Variants in TGDS observed in about 807,000 individuals in gnomAD.
TGDS encodes TDP-glucose 4,6-dehydratase.
TGDS carries 47 observed loss-of-function variants against 52.3 expected under a neutral mutation model. The ratio of observed to expected loss-of-function variants is 0.90; its 90% confidence interval spans 0.71 to 1.15. The LOEUF (loss-of-function observed/expected upper bound fraction) is 1.15, where lower values mean the gene tolerates loss of function less well. TGDS is among the 50% of genes most tolerant of loss of function. TGDS has a pLI of 0.00. For synonymous variants in TGDS, 115 were observed against 136.9 expected, an observed-to-expected ratio of 0.84 and a Z score of 1.12; for missense variants, 375 against 418.4, an observed-to-expected ratio of 0.90 and a Z score of 0.90.
chr13:94,592,734 G>C (rs903579661), intron 2 of TGDS, among the ~76,000 whole-genome samples: 3 of 152,064 alleles, frequency 2.0e-5, no homozygotes, highest in Non-Finnish European at 2.9e-5. Context: ...GATTACAAGC[G>C]TGAGCCCAGC....
chr13:94,587,558 A>C (rs1035049347), intron 4 of TGDS, among the ~76,000 whole-genome samples: 1 of 152,260 alleles, frequency 6.6e-6, no homozygotes, highest in African/African-American at 2.4e-5. Flanking sequence ...CAATGAGGAA[A>C]AGTCAAGTCT....
At chr13:94,576,571 T>C (rs1286157070) in intron 10 of TGDS, among the ~76,000 whole-genome samples, 160 bp from the exon 11 acceptor site, 3 of 151,820 alleles carry the variant, frequency 2.0e-5, no homozygotes, top group Non-Finnish European at 4.4e-5. Flanking sequence ...ATCAAGTATA[T>C]ATTTAAAAAA....
chr13:94,585,618 C>CA (rs967049235), intron 4 of TGDS, among the ~76,000 whole-genome samples: 11 of 151,624 alleles, frequency 7.3e-5, no homozygotes, highest in Non-Finnish European at 1.0e-4. Flanking sequence ...GCCAACATGG[C>CA]AAAACCCCGT....
At position 94,578,114 on chromosome 13, in the gene TGDS, A is replaced by T; in HGVS notation, c.716T>A (p.Val239Glu). 1 of 1,613,838 alleles carries T rather than the reference A, an allele frequency of 6.2e-7. No individual in the cohort carries two copies. ...TTTGAGGACAGTGAGAAATGCTTCT[A>T]CAACATCAGTAGCATAAAGGAAGTT... ...TRNFLYATDV[V>E]EAFLTVLKKG... Residue 239 changes from valine to glutamate, a missense_variant, in exon 9 of 12, where the codon GTA becomes GAA. By Grantham distance (121) the Val-to-Glu change is moderately radical. Transcript: ENST00000261296.
Position 94,596,091 on chromosome 13 carries a change from A to T in TGDS, c.46T>A (p.Phe16Ile), listed in dbSNP as rs758873634. 3 of 1,614,166 alleles carry T rather than the reference A, an allele frequency of 1.9e-6. No homozygotes were observed. In the South Asian group the frequency reaches 3.3e-5, roughly 18 times the overall value. Reference protein sequence around the residue: ...WEEPWGLPGGFAKRVLVTGGA... With the variant: ...WEEPWGLPGGIAKRVLVTGGA... ...CCGGTCACCAGGACCCGCTTCGCAA[A>T]GCCGCCGGGAAGACCCCACGGTTCC... is the stretch of plus-strand genomic sequence containing the variant. The change falls in exon 1 of 12, where the codon TTT becomes ATT. Residue 16 changes from phenylalanine to isoleucine, a missense_variant. Coordinates refer to ENST00000261296, the MANE Select transcript of TGDS (RefSeq NM_014305.4).
At chr13:94,595,885 C>T in intron 1 of TGDS, 166 bp downstream of exon 1, 1 of 724,494 alleles carries the variant, frequency 1.4e-6, no homozygotes, top group Non-Finnish European at 2.4e-6. Flanking sequence ...CACTTCTTTG[C>T]AGGCCAGAGA....
intron 10 of TGDS, 134 bp from the exon 11 acceptor site, chr13:94,576,545 G>A (rs1214726442): frequency 2.0e-6 from 1 of 489,196 alleles, no homozygotes; most frequent in Non-Finnish European, 3.3e-6. Flanking sequence ...TAGGTTTTCT[G>A]CAGAAAGTCT....
intron 4 of TGDS, among the ~76,000 whole-genome samples, chr13:94,585,539 C>T (rs6492718): frequency 0.7 from 105,520 of 151,810 alleles, 37,278 homozygotes; most frequent in African/African-American, 0.82. Flanking sequence ...GGCTAATGCC[C>T]GTAATCCCAG....
At chr13:94,585,255 C>T (rs998155319) in intron 4 of TGDS, among the ~76,000 whole-genome samples, 4 of 151,794 alleles carry the variant, frequency 2.6e-5, no homozygotes, top group African/African-American at 7.3e-5. Flanking sequence ...ACCATGTTGG[C>T]GAGGCTGGTC....
intron 1 of TGDS, among the ~76,000 whole-genome samples, chr13:94,594,446 A>G (rs1020888835): frequency 5.3e-5 from 8 of 152,194 alleles, no homozygotes; most frequent in African/African-American, 1.4e-4. Context: ...TCCCAGGCTA[A>G]TAACAGCTGA....
chr13:94,582,996 G>A (rs1594445580), intron 5 of TGDS, 98 bp downstream of exon 5: 1 of 1,281,728 alleles, frequency 7.8e-7, no homozygotes, highest in Non-Finnish European at 1.1e-6. Flanking sequence ...TGCCACAAGT[G>A]TATATAATTT....
At chr13:94,585,900 T>C (rs9590039) in intron 4 of TGDS, among the ~76,000 whole-genome samples, 50,093 of 151,886 alleles carry the variant, frequency 0.33, 10,222 homozygotes, top group African/African-American at 0.57. Flanking sequence ...TGATGAACTT[T>C]ACACTTTGAT....
At chr13:94,583,261 A>C in intron 4 of TGDS, 25 bp from the exon 5 acceptor site, 1 of 1,607,458 alleles carries the variant, frequency 6.2e-7, no homozygotes. Flanking sequence ...TGAAAAGCTA[A>C]AACAAGTCTA....
Position 94,581,165 on chromosome 13 carries a change from G to T in TGDS, c.481C>A (p.Gln161Lys). The change falls in exon 6 of 12, where the codon CAA becomes AAA. Residue 161 changes from glutamine (Q) to lysine (K), a missense_variant. By Grantham distance (53) the Gln-to-Lys change is moderately conservative. Coordinates refer to ENST00000261296, the MANE Select transcript of TGDS (RefSeq NM_014305.4). ...DKEFDESSPK[Q>K]PTNPYASSKA... ...GATGATGCATAAGGATTTGTAGGTT[G>T]TTTGGGTGAAGATTCATCAAATTCC... 1 of 1,592,412 alleles carries T rather than the reference G, an allele frequency of 6.3e-7. No individual in the cohort carries two copies. Among genetic ancestry groups the T allele is most frequent in the South Asian group, 1.2e-5 (1 of 84,676 alleles).
chr13:94,579,553 CAG>C (rs1888716550), intron 7 of TGDS: 1 of 167,440 alleles, frequency 6.0e-6, no homozygotes, highest in Non-Finnish European at 1.3e-5. Context: ...TGACTGCAAA[CAG>C]GGAGTCAACT....
intron 7 of TGDS, chr13:94,579,212 A>T (rs1888706537): frequency 6.5e-6 from 1 of 153,544 alleles, no homozygotes; most frequent in Admixed American, 6.5e-5. Context: ...TAATACCTGC[A>T]GGTCATGACA....
chr13:94,581,803 C>A (rs1425856537), intron 5 of TGDS, among the ~76,000 whole-genome samples: 1 of 152,202 alleles, frequency 6.6e-6, no homozygotes, highest in South Asian at 2.1e-4. Flanking sequence ...ATAAAATAAA[C>A]AGAATGAGAT....
chr13:94,578,438 C>T (rs534087863), intron 8 of TGDS, among the ~76,000 whole-genome samples: 74 of 152,064 alleles, frequency 4.9e-4, no homozygotes, highest in African/African-American at 1.8e-3. Context: ...ATCTACAGTT[C>T]TATGAATTAA....
Position 94,574,978 on chromosome 13 carries a change from C to G in TGDS, c.983-126G>C, listed in dbSNP as rs149000719. On this transcript the variant is annotated intron_variant, in intron 11 of 11. Transcript: ENST00000261296. The stretch of plus-strand genomic sequence containing the variant: ...CCATCAGCTAAGCAGCAGACAAGGG[C>G]TGACTAATGATGTAAACAATTTGAT... 1,430 of 559,050 alleles carry G rather than the reference C, an allele frequency of 2.6e-3. 39 individuals carry two copies. The Admixed American group carries it at 0.038, about 15-fold the overall frequency. 34.6% of individuals were successfully genotyped at this position (559,050 alleles called of 1,614,324 possible).
Sources: gnomAD v4.1 joint callset for allele counts (sites outside exome capture counted in the v4.1 genomes callset) on GRCh38, gnomAD v4.1.1 for gene constraint, MANE v1.5 for transcripts, NCBI Gene and HGNC (gene_info 2026-07-23, HGNC 2026-07-21) for gene names.